Variants in DCDC1 observed in about 807,000 individuals in gnomAD.
The protein encoded by DCDC1 is doublecortin domain-containing protein 1.
A neutral mutation model predicts 178.3 loss-of-function variants in DCDC1; 200 were observed. That is an observed-to-expected ratio of 1.12 (90% confidence interval 1.00 to 1.26). The LOEUF is 1.26. DCDC1 is among the 50% of genes most tolerant of loss of function. The pLI is 0.00. For synonymous variants in DCDC1, 690 were observed against 604.8 expected (o/e 1.14, Z -2.07); for missense variants, 1,983 against 1,749.2 (o/e 1.13, Z -2.38).
At chr11:31,058,756 G>T (rs1237352713) in intron 20 of DCDC1, among the ~76,000 whole-genome samples, 1 of 152,060 alleles carries the variant, frequency 6.6e-6, no homozygotes, top group East Asian at 1.9e-4. Context: ...ATAAATTGTA[G>T]GAGGACAAAG....
intron 9 of DCDC1, among the ~76,000 whole-genome samples, chr11:31,140,674 C>A (rs1963710007): frequency 6.6e-6 from 1 of 151,664 alleles, no homozygotes; most frequent in Admixed American, 6.6e-5. Context: ...GAAAACTGAA[C>A]AAAATTTTTT....
At chr11:31,359,782 T>C (rs1009666723) in intron 1 of DCDC1, among the ~76,000 whole-genome samples, 1 of 152,176 alleles carries the variant, frequency 6.6e-6, no homozygotes, top group Non-Finnish European at 1.5e-5. Flanking sequence ...GAGATACTGA[T>C]AAAAGGGAGA....
chr11:31,357,566 T>C (rs548168269), intron 1 of DCDC1, among the ~76,000 whole-genome samples: 83 of 152,192 alleles, frequency 5.5e-4, no homozygotes, highest in Middle Eastern at 6.8e-3. Flanking sequence ...CTATTCAACA[T>C]AGTGTTGGAA....
intron 1 of DCDC1, among the ~76,000 whole-genome samples, 176 bp downstream of exon 1, chr11:31,369,521 A>AT (rs1952162786): frequency 6.6e-6 from 1 of 152,142 alleles, no homozygotes; most frequent in African/African-American, 2.4e-5. Context: ...AACCGAAAAG[A>AT]TTGAGAGTAG....
intron 17 of DCDC1, among the ~76,000 whole-genome samples, chr11:31,090,748 G>A (rs1440199621): frequency 6.6e-6 from 1 of 152,170 alleles, no homozygotes; most frequent in Non-Finnish European, 1.5e-5. Context: ...TATATAGCCA[G>A]AAGTAGTTGG....
intron 27 of DCDC1, among the ~76,000 whole-genome samples, chr11:30,913,606 G>T (rs890640386): frequency 2.6e-5 from 4 of 152,064 alleles, no homozygotes; most frequent in African/African-American, 9.7e-5. Context: ...TCCGTGTCTT[G>T]ACATGAGGAG....
At chr11:31,188,986 T>C (rs1466970627) in intron 9 of DCDC1, among the ~76,000 whole-genome samples, 1 of 152,086 alleles carries the variant, frequency 6.6e-6, no homozygotes, top group Non-Finnish European at 1.5e-5. Flanking sequence ...CCCTCCACCA[T>C]GTGAGGATGC....
At chr11:30,905,258 G>A in intron 30 of DCDC1, 94 bp from the exon 31 acceptor site, 4 of 1,270,758 alleles carry the variant, frequency 3.1e-6, no homozygotes, top group Non-Finnish European at 4.3e-6. Flanking sequence ...GTATACGTGT[G>A]TGGTGTCTAC....
At chr11:31,202,347 G>C (rs1971386992) in intron 9 of DCDC1, among the ~76,000 whole-genome samples, 1 of 151,968 alleles carries the variant, frequency 6.6e-6, no homozygotes, top group African/African-American at 2.4e-5. Flanking sequence ...TGGATTGCTT[G>C]AGTCCAGGAG....
chr11:31,167,878 T>A lies in DCDC1; in HGVS notation c.1222-30094A>T, dbSNP rs543936401. On this transcript the variant is annotated intron_variant, in intron 9 of 38. Transcript: ENST00000684477. ...GGGTGATGCATAGGCATCCATATCT[T>A]TTGAAATGTCAACCCACCATCACTC... Among the ~76,000 whole-genome samples, 14 of 152,288 alleles carry A rather than the reference T, an allele frequency of 9.2e-5. No individual in the cohort carries two copies. The East Asian group carries it at 1.9e-3, about 21-fold the overall frequency.
intron 4 of DCDC1, among the ~76,000 whole-genome samples, chr11:31,306,679 C>T (rs1240932728): frequency 6.6e-6 from 1 of 151,412 alleles, no homozygotes; most frequent in African/African-American, 2.4e-5. Flanking sequence ...CACAACAGTC[C>T]TTTTAAAATA....
Position 30,900,362 on chromosome 11 carries a change from T to C in DCDC1, c.4647A>G (p.Pro1549=). 6.5e-7 allele frequency: 1 copy of C among 1,539,526 alleles called. No individual in the cohort carries two copies. The highest frequency in any genetic ancestry group is 8.8e-7 in the Non-Finnish European group (1 of 1,142,560). Residue 1549 remains proline (P), a synonymous_variant, in exon 33 of 39, where the codon CCA becomes CCG. Coordinates refer to ENST00000684477, the MANE Select transcript of DCDC1 (RefSeq NM_001387274.1). ...PIAIWVSCGE[P]FLPPNALQKA... is the part of the protein sequence containing the mutation. ...AAAAGTTACCATTTGGAGGTAGAAA[T>C]GGTTCACCACAAGACACCCAGATGG...
chr11:31,232,066 A>G (rs1193562857), intron 9 of DCDC1, among the ~76,000 whole-genome samples: 4 of 152,222 alleles, frequency 2.6e-5, no homozygotes, highest in African/African-American at 7.2e-5. Context: ...CATTCAAAAT[A>G]GGCCACAAAT....
rs143591974 is a variant in DCDC1, at chr11:31,215,119, CAT to C, written c.1221+26329_1221+26330del. The C allele has an allele frequency of 1.7e-3, 418 of 240,148 alleles. 6 individuals carry two copies. In the East Asian group the frequency reaches 0.051, roughly 30 times the overall value. The allele number at this position is 240,148 out of a possible 1,614,324, so 14.9% of individuals were successfully genotyped here. ...TAAACTTATCTAAAGCAAATTCAAACATGTGTGAACAACTAAAATAGAAATTT... is the reference window on the plus strand; with the variant it reads ...TAAACTTATCTAAAGCAAATTCAAACGTGTGAACAACTAAAATAGAAATTT... On this transcript the variant is annotated intron_variant, in intron 9 of 38. Transcript: ENST00000684477.
intron 20 of DCDC1, among the ~76,000 whole-genome samples, chr11:30,979,182 T>C (rs904598488): frequency 3.3e-5 from 5 of 151,886 alleles, no homozygotes; most frequent in Non-Finnish European, 7.4e-5. Context: ...ATAACTAAAA[T>C]AGCAAGTACA....
At chr11:31,327,999 G>C in intron 3 of DCDC1, 118 bp downstream of exon 3, 1 of 1,044,090 alleles carries the variant, frequency 9.6e-7, no homozygotes. Flanking sequence ...CAAAGTGCTG[G>C]GATTACAGGC....
chr11:30,920,645 T>G, intron 25 of DCDC1, 131 bp downstream of exon 25: 1 of 1,031,466 alleles, frequency 9.7e-7, no homozygotes, highest in African/African-American at 1.6e-5. Flanking sequence ...AATTAAATAC[T>G]AGCTCTTCAG....
In DCDC1 at chr11:30,908,876, T is replaced by C. The variant is rs1477784380; in HGVS notation, c.3918+70A>G. On this transcript the variant is annotated intron_variant, in intron 29 of 38. Coordinates refer to ENST00000684477, the MANE Select transcript of DCDC1 (RefSeq NM_001387274.1). Reference sequence around the variant, plus strand: ...ATAAAGTTTTCTAGGGAAAAAAATTTTCTCATTTTATTAAATTACTCTCTT... The same window carrying C: ...ATAAAGTTTTCTAGGGAAAAAAATTCTCTCATTTTATTAAATTACTCTCTT... 2.8e-6 allele frequency: 4 copies of C among 1,407,004 alleles called. No individual in the cohort carries two copies. In the African/African-American group the frequency reaches 5.9e-5, roughly 21 times the overall value. The allele number at this position is 1,407,004 out of a possible 1,614,324, so 87.2% of individuals were successfully genotyped here.
chr11:30,983,655 G>A (rs1345149163), intron 20 of DCDC1, among the ~76,000 whole-genome samples: 1 of 152,082 alleles, frequency 6.6e-6, no homozygotes, highest in Non-Finnish European at 1.5e-5. Context: ...TTAAAAAATT[G>A]TCATAGCTTA....
Sources: allele counts gnomAD v4.1 joint callset (sites outside exome capture counted in the v4.1 genomes callset), GRCh38; gene constraint gnomAD v4.1.1; transcripts MANE v1.5; gene names NCBI Gene and HGNC (gene_info 2026-07-23, HGNC 2026-07-21).